The following TENM3 variants were observed in gnomAD, a reference collection of about 807,000 sequenced individuals.
TENM3 encodes the protein teneurin-3.
Under a neutral mutation model 255.1 loss-of-function variants are expected in TENM3, and 63 were observed. The observed-to-expected ratio is 0.25, with a 90% CI of 0.20 to 0.30. TENM3 has a LOEUF of 0.30. TENM3 is among the 10% of genes least tolerant of loss of function. The probability of loss-of-function intolerance (pLI) is 1.00; values close to 1 mark genes in which losing one functional copy is unlikely to be tolerated. For synonymous variants in TENM3, 1,306 were observed against 1,322.3 expected, an observed-to-expected ratio of 0.99 and a Z score of 0.27; for missense variants, 2,929 against 3,461.1, an observed-to-expected ratio of 0.85 and a Z score of 3.86.
intron 3 of TENM3, among the ~76,000 whole-genome samples, chr4:182,408,840 C>T (rs1054951248): frequency 6.6e-6 from 1 of 152,228 alleles, no homozygotes; most frequent in Non-Finnish European, 1.5e-5. Context: ...AAATGAATCA[C>T]ATGGGATGCC....
chr4:182,689,433 C>T (rs182243869), intron 12 of TENM3, among the ~76,000 whole-genome samples: 2 of 152,276 alleles, frequency 1.3e-5, no homozygotes, highest in Non-Finnish European at 1.5e-5. Flanking sequence ...TGTCATTATA[C>T]ACTTCATGTA....
chr4:182,309,855 G>C (rs190386905), intron 1 of TENM3, among the ~76,000 whole-genome samples: 1 of 152,168 alleles, frequency 6.6e-6, no homozygotes, highest in African/African-American at 2.4e-5. Context: ...CAATGTACTT[G>C]ATGTCATTAT....
chr4:182,786,820 C>A (rs1410391027), intron 24 of TENM3, among the ~76,000 whole-genome samples: 2 of 152,150 alleles, frequency 1.3e-5, no homozygotes, highest in Admixed American at 1.3e-4. Context: ...TCTGTAGTTC[C>A]TCCAAAGCCC....
chr4:182,057,323 G>C, the TENM3 span, among the ~76,000 whole-genome samples: 1 of 151,302 alleles, frequency 6.6e-6, no homozygotes, highest in Non-Finnish European at 1.5e-5. Flanking sequence ...ATTATAAACT[G>C]CTGCAGAAAG....
chr4:182,740,979 C>G (rs941113906), intron 18 of TENM3, among the ~76,000 whole-genome samples: 2 of 152,146 alleles, frequency 1.3e-5, no homozygotes, highest in Non-Finnish European at 2.9e-5. Context: ...GAGTTCCAGA[C>G]CAGCCTGGCA....
At chr4:181,819,505 G>T in the TENM3 span, among the ~76,000 whole-genome samples, 1 of 152,156 alleles carries the variant, frequency 6.6e-6, no homozygotes, top group African/African-American at 2.4e-5. Flanking sequence ...CATCGGGATT[G>T]TTCGTAATTT....
chr4:182,240,900 A>G (rs1460535166), upstream of TENM3, among the ~76,000 whole-genome samples: 1 of 152,198 alleles, frequency 6.6e-6, no homozygotes, highest in Non-Finnish European at 1.5e-5. Flanking sequence ...CTGGCCTCTG[A>G]GGCCCCTGGG....
chr4:182,483,695 T>C (rs1327520955), intron 3 of TENM3, among the ~76,000 whole-genome samples: 1 of 152,102 alleles, frequency 6.6e-6, no homozygotes, highest in Non-Finnish European at 1.5e-5. Context: ...ATACTGGTAG[T>C]TTTTCTTTAT....
At chr4:181,608,989 A>G in the TENM3 span, among the ~76,000 whole-genome samples, 1 of 152,146 alleles carries the variant, frequency 6.6e-6, no homozygotes. Flanking sequence ...AATTTTACCT[A>G]ATGGGAAGTT....
intron 1 of TENM3, among the ~76,000 whole-genome samples, chr4:182,247,912 C>G (rs755562686): frequency 3.9e-5 from 6 of 152,158 alleles, no homozygotes; most frequent in Admixed American, 2.6e-4. Context: ...CAAAGCTCCC[C>G]ACGCAAACTC....
chr4:182,297,540 A>G (rs1303949552), intron 1 of TENM3, among the ~76,000 whole-genome samples: 2 of 152,144 alleles, frequency 1.3e-5, no homozygotes, highest in East Asian at 3.9e-4. Flanking sequence ...TGGATGGAAG[A>G]CTAAAAGCGT....
the TENM3 span, among the ~76,000 whole-genome samples, chr4:181,708,351 G>A: frequency 1.3e-5 from 2 of 152,106 alleles, no homozygotes; most frequent in Non-Finnish European, 2.9e-5. Context: ...ACAATATATA[G>A]CATCGTATTG....
rs1431819036 is a variant in TENM3 at position 182,430,440 on chromosome 4, C to T, written c.511+83511C>T. On this transcript the variant is annotated intron_variant, in intron 3 of 27. Coordinates refer to ENST00000511685, the MANE Select transcript of TENM3 (RefSeq NM_001080477.4). Reference sequence around the variant, plus strand: ...GCAGGCACTTGTTGTCCCAGCTACTCGGGAGGCTGAGGCAGGAGAATCACT... The same window carrying T: ...GCAGGCACTTGTTGTCCCAGCTACTTGGGAGGCTGAGGCAGGAGAATCACT... 5.3e-5 allele frequency among the ~76,000 whole-genome samples: 8 copies of T among 151,926 alleles called. No individual in the cohort carries two copies. In the South Asian group the frequency reaches 1.0e-3, roughly 20 times the overall value.
chr4:181,763,458 G>C, the TENM3 span, among the ~76,000 whole-genome samples: 45 of 152,126 alleles, frequency 3.0e-4, no homozygotes, highest in African/African-American at 9.9e-4. Context: ...TTTTTATATG[G>C]CCCATGAGCT....
rs78149284 is a variant in TENM3 at position 182,366,740 on chromosome 4, A to G, written c.511+19811A>G. On this transcript the variant is annotated intron_variant, in intron 3 of 27. Transcript: ENST00000511685. ...ACTAAAAATAAATATTTTCAGAAAT[A>G]CACAGCCACTAGGAGTGTAATGTGT... 9.0e-3 allele frequency among the ~76,000 whole-genome samples: 1,365 copies of G among 152,312 alleles called. 17 individuals carry two copies. The highest frequency in any genetic ancestry group is 0.067 in the East Asian group (348 of 5,182).
At chr4:182,445,894 A>G (rs1692940784) in intron 3 of TENM3, among the ~76,000 whole-genome samples, 1 of 152,178 alleles carries the variant, frequency 6.6e-6, no homozygotes, top group Admixed American at 6.5e-5. Flanking sequence ...GATATCCATA[A>G]TGCTAATTAT....
chr4:181,628,618 G>A, the TENM3 span, among the ~76,000 whole-genome samples: 20 of 152,086 alleles, frequency 1.3e-4, no homozygotes, highest in Middle Eastern at 3.4e-3. Context: ...TGTTTTTGTC[G>A]GGTTTGTTGA....
chr4:182,570,220 T>G (rs1253712569), intron 3 of TENM3, among the ~76,000 whole-genome samples: 6 of 152,130 alleles, frequency 3.9e-5, no homozygotes, highest in Non-Finnish European at 7.4e-5. Flanking sequence ...GGTTAGTGAT[T>G]ACATTTGATG....
At chr4:182,155,337 G>T (rs963793608) in intron 1 of TENM3, among the ~76,000 whole-genome samples, 1 of 152,034 alleles carries the variant, frequency 6.6e-6, no homozygotes, top group Non-Finnish European at 1.5e-5. Context: ...AGTAATTCTG[G>T]TGTCTGTGTA....
Sources: allele counts gnomAD v4.1 joint callset (sites outside exome capture counted in the v4.1 genomes callset), GRCh38; gene constraint gnomAD v4.1.1; transcripts MANE v1.5; gene names NCBI Gene and HGNC (gene_info 2026-07-23, HGNC 2026-07-21).